Variants in NRG1 observed in about 807,000 individuals in gnomAD.
NRG1 encodes the protein neuregulin 1.
NRG1 carries 18 observed loss-of-function variants against 63.8 expected under a neutral mutation model. The observed-to-expected ratio is 0.28, with a 90% CI of 0.19 to 0.42. The LOEUF is 0.42. Ranked by LOEUF, NRG1 falls within the 10% of genes least tolerant of loss-of-function variation. The pLI, the probability that NRG1 is intolerant of heterozygous loss-of-function variation, is 1.00. For missense variants in NRG1, 762 were observed against 814.7 expected, an observed-to-expected ratio of 0.94 and a Z score of 0.79; for synonymous variants, 302 against 301.3, an observed-to-expected ratio of 1.00 and a Z score of -0.02.
chr8:32,159,261 G>T (rs539981189), intron 1 of NRG1, among the ~76,000 whole-genome samples: 3 of 152,256 alleles, frequency 2.0e-5, no homozygotes, highest in African/African-American at 7.2e-5. Flanking sequence ...TTGGCCGGGC[G>T]CGGTGGCTCA....
At chr8:31,903,218 G>T (rs563958803) in intron 1 of NRG1, among the ~76,000 whole-genome samples, 1 of 139,424 alleles carries the variant, frequency 7.2e-6, no homozygotes, top group East Asian at 2.5e-4. Flanking sequence ...GCGCAATCTC[G>T]GCTCACTGCA....
intron 1 of NRG1, among the ~76,000 whole-genome samples, chr8:32,035,182 T>TCTGCC (rs531793299): frequency 2.8e-4 from 42 of 152,342 alleles, no homozygotes; most frequent in Non-Finnish European, 4.0e-4. Flanking sequence ...CTTCTTGATT[T>TCTGCC]CTGCCTTAAT....
intron 1 of NRG1, among the ~76,000 whole-genome samples, chr8:31,903,824 G>A (rs1242379267): frequency 3.3e-5 from 5 of 152,052 alleles, no homozygotes; most frequent in African/African-American, 1.2e-4. Context: ...GCGTGGTGAT[G>A]TGCGCCTGTA....
chr8:32,447,694 C>G (rs553796271), intron 1 of NRG1, among the ~76,000 whole-genome samples: 44 of 152,122 alleles, frequency 2.9e-4, no homozygotes, highest in African/African-American at 8.2e-4. Flanking sequence ...CATAGTGAGA[C>G]CCCATCTCTA....
At position 31,856,324 on chromosome 8, in the gene NRG1, T is replaced by C. The variant is rs534725894; in HGVS notation, c.37+216893T>C. Among the ~76,000 whole-genome samples the C allele has an allele frequency of 1.2e-4, 19 of 152,260 alleles. No homozygotes were observed. The South Asian group carries it at 3.9e-3, about 32-fold the overall frequency. Reference sequence around the variant, plus strand: ...GCTTTGCTCATTTCTTTTTATTCTTTTTTCTCTAAACTTCCCTTCTTGCTT... The same window carrying C: ...GCTTTGCTCATTTCTTTTTATTCTTCTTTCTCTAAACTTCCCTTCTTGCTT... On this transcript the variant is annotated intron_variant, in intron 1 of 10. Coordinates refer to the NRG1 transcript ENST00000519301.
intron 1 of NRG1, among the ~76,000 whole-genome samples, chr8:31,960,597 C>T (rs1355479590): frequency 6.6e-6 from 1 of 152,188 alleles, no homozygotes; most frequent in African/African-American, 2.4e-5. Flanking sequence ...TCTTGTATCT[C>T]TTGGGAATCT....
chr8:32,648,241 A>G (rs749685983), intron 5 of NRG1: 1 of 1,614,072 alleles, frequency 6.2e-7, no homozygotes, highest in South Asian at 1.1e-5. Flanking sequence ...CCGACACCGA[A>G]GAATCGTATT....
At chr8:32,579,272 A>G (rs1172933391) in intron 1 of NRG1, among the ~76,000 whole-genome samples, 1 of 144,896 alleles carries the variant, frequency 6.9e-6, no homozygotes, top group Admixed American at 7.4e-5. Flanking sequence ...AAATATAAAA[A>G]TTAGGTCGGT....
At chr8:32,586,531 A>T (rs1261770028) in intron 1 of NRG1, among the ~76,000 whole-genome samples, 4 of 152,144 alleles carry the variant, frequency 2.6e-5, no homozygotes, top group Non-Finnish European at 5.9e-5. Context: ...AAGAACAAAA[A>T]ATTTACTGTA....
chr8:32,380,998 G>T (rs762355782), intron 1 of NRG1, among the ~76,000 whole-genome samples: 25 of 152,062 alleles, frequency 1.6e-4, no homozygotes, highest in Non-Finnish European at 3.4e-4. Flanking sequence ...TCCATGTAAC[G>T]CTAGATCTTA....
At chr8:32,531,047 G>C (rs1831403178) in intron 1 of NRG1, among the ~76,000 whole-genome samples, 1 of 152,062 alleles carries the variant, frequency 6.6e-6, no homozygotes, top group Non-Finnish European at 1.5e-5. Context: ...GCAGTGAGCA[G>C]AGACTATACC....
intron 1 of NRG1, among the ~76,000 whole-genome samples, chr8:32,515,012 C>T (rs1829667324): frequency 6.6e-6 from 1 of 152,222 alleles, no homozygotes; most frequent in South Asian, 2.1e-4. Flanking sequence ...TTTTCTTTAT[C>T]CAATCCACTG....
chr8:31,662,155 G>T (rs1806054332), intron 1 of NRG1, among the ~76,000 whole-genome samples: 1 of 152,200 alleles, frequency 6.6e-6, no homozygotes, highest in Admixed American at 6.5e-5. Context: ...AAGCTGTAAA[G>T]TTAAGTTGTG....
At chr8:31,780,578 A>G (rs541010435) in intron 1 of NRG1, among the ~76,000 whole-genome samples, 2 of 152,338 alleles carry the variant, frequency 1.3e-5, no homozygotes, top group African/African-American at 2.4e-5. Flanking sequence ...CAATTTTTCT[A>G]TTGACCTGCG....
At chr8:32,751,387 C>T (rs140722911) in intron 7 of NRG1, among the ~76,000 whole-genome samples, 8 of 152,118 alleles carry the variant, frequency 5.3e-5, no homozygotes, top group African/African-American at 1.9e-4. Flanking sequence ...GAGAGACAGA[C>T]CCACCGATCG....
At chr8:32,524,841 T>C (rs2129510077) in intron 1 of NRG1, among the ~76,000 whole-genome samples, 1 of 152,326 alleles carries the variant, frequency 6.6e-6, no homozygotes, top group Non-Finnish European at 1.5e-5. Flanking sequence ...CCTAGGCTAT[T>C]TCAATGCTCA....
intron 1 of NRG1, among the ~76,000 whole-genome samples, chr8:32,107,875 A>T (rs1831481103): frequency 6.6e-6 from 1 of 152,160 alleles, no homozygotes; most frequent in Non-Finnish European, 1.5e-5. Context: ...GCTTCTTTTT[A>T]AAAAACTTAT....
chr8:32,054,124 C>G (rs1822450552), intron 1 of NRG1, among the ~76,000 whole-genome samples: 1 of 152,104 alleles, frequency 6.6e-6, no homozygotes, highest in African/African-American at 2.4e-5. Flanking sequence ...TGTTAGAAAA[C>G]TTCCTTTTTG....
intron 1 of NRG1, among the ~76,000 whole-genome samples, chr8:32,260,849 G>A (rs1266100887): frequency 6.6e-6 from 1 of 152,070 alleles, no homozygotes; most frequent in South Asian, 2.1e-4. Context: ...TGCTCTCTTT[G>A]CTTTCCTTGA....
Sources: allele counts gnomAD v4.1 joint callset (sites outside exome capture counted in the v4.1 genomes callset), GRCh38; gene constraint gnomAD v4.1.1; transcripts MANE v1.5; gene names NCBI Gene and HGNC (gene_info 2026-07-23, HGNC 2026-07-21).